NSD2: variants seen among roughly 807,000 people sequenced by gnomAD.
NSD2 encodes nuclear receptor binding SET domain protein 2, also known as histone-lysine N-methyltransferase NSD2.
NSD2 carries 12 observed loss-of-function variants against 139.0 expected under a neutral mutation model. That is an observed-to-expected ratio of 0.09 (90% CI 0.06 to 0.14). The LOEUF (loss-of-function observed/expected upper bound fraction) is 0.14, where lower values mean the gene tolerates loss of function less well. Ranked by LOEUF, NSD2 falls within the 10% of genes least tolerant of loss-of-function variation. NSD2 has a pLI of 1.00. For synonymous variants in NSD2, 669 were observed against 648.7 expected (o/e 1.03, Z -0.48); for missense variants, 1,155 against 1,745.0 (o/e 0.66, Z 6.02).
At chr4:1,888,083 G>C (rs1293127178) in intron 1 of NSD2, among the ~76,000 whole-genome samples, 1 of 152,058 alleles carries the variant, frequency 6.6e-6, no homozygotes, top group Non-Finnish European at 1.5e-5. Flanking sequence ...TACGTGGTCT[G>C]ATAGTTATCT....
intron 12 of NSD2, 140 bp downstream of exon 12, chr4:1,953,664 G>A: frequency 1.8e-6 from 2 of 1,129,824 alleles, no homozygotes; most frequent in Non-Finnish European, 2.5e-6. Flanking sequence ...ACATCGGCTG[G>A]GTTGGGTTTT....
At chr4:1,975,984 C>G (rs1727033762) in intron 20 of NSD2, among the ~76,000 whole-genome samples, 1 of 151,988 alleles carries the variant, frequency 6.6e-6, no homozygotes, top group Non-Finnish European at 1.5e-5. Context: ...TGTGTAGAAC[C>G]TGGTCCTGAA....
intron 9 of NSD2, chr4:1,944,413 C>T (rs1723410129): frequency 3.8e-6 from 4 of 1,065,288 alleles, no homozygotes; most frequent in South Asian, 4.6e-5. Context: ...TACATTCTAG[C>T]CTTAAGACAT....
chr4:1,904,446 T>C lies in NSD2; in HGVS notation c.760+68T>C, dbSNP rs779826781. The C allele has an allele frequency of 4.2e-4, 616 of 1,478,494 alleles. 1 individual carries two copies. The highest frequency in any genetic ancestry group is 7.1e-4 in the Middle Eastern group (4 of 5,618). 91.6% of individuals were successfully genotyped at this position (1,478,494 alleles called of 1,614,324 possible). On this transcript the variant is annotated intron_variant, in intron 3 of 21. Transcript: ENST00000508803. ...ACTTAATCTTTCTCATCTCCAGGCT[T>C]CTTTCTTACTCTTTCTAAATAGCCC...
rs539886262 is a variant in NSD2 at position 1,948,465 on chromosome 4, G to A, written c.1882-2607G>A. 346 of 1,065,446 alleles carry A rather than the reference G, an allele frequency of 3.2e-4. No homozygotes were observed. Among genetic ancestry groups the A allele is most frequent in the Non-Finnish European group, 3.8e-4 (334 of 878,542 alleles). The allele number at this position is 1,065,446 out of a possible 1,614,324, so 66.0% of individuals were successfully genotyped here. On this transcript the variant is annotated intron_variant, in intron 9 of 21. Transcript: ENST00000508803. This position sits in a 1 kb window ranked among gnomAD's most constrained non-coding sequence, Gnocchi z 4.5. ...GTAAGGCTTGCTGTGGGACGCCCTC[G>A]TACTTTGCTCTCCTTGCGGGTGGTT...
At chr4:1,927,296 C>T (rs527827224) in intron 5 of NSD2, among the ~76,000 whole-genome samples, 3 of 152,232 alleles carry the variant, frequency 2.0e-5, no homozygotes, top group South Asian at 2.1e-4. Flanking sequence ...TTATTGACTA[C>T]GCCGTAAGCA....
At chr4:1,952,855 A>G (rs1724423230) in intron 11 of NSD2, 4 of 1,281,770 alleles carry the variant, frequency 3.1e-6, no homozygotes, top group Non-Finnish European at 3.0e-6. Flanking sequence ...CTCCTATCTC[A>G]CGTCAGAACA....
At chr4:1,902,627 C>G (rs13148597) in intron 2 of NSD2, among the ~76,000 whole-genome samples, 11 of 151,996 alleles carry the variant, frequency 7.2e-5, no homozygotes, top group Non-Finnish European at 1.6e-4. Flanking sequence ...TGTTTTGAGA[C>G]AGGGTCTTGG....
Position 1,953,459 on chromosome 4 carries a change from G to A in NSD2, c.2273G>A (p.Arg758His). Residue 758 changes from arginine (R) to histidine (H), a missense_variant, in exon 12 of 22, where the codon CGC (arginine) becomes CAC (histidine). Physicochemically the swap from Arg to His is conservative, Grantham distance 29. This residue lies in a region of NSD2 where 120 missense variants were observed against 239.3 expected (regional missense o/e 0.50). Coordinates refer to ENST00000508803, the MANE Select transcript of NSD2 (RefSeq NM_001042424.3). The part of the protein sequence containing the change: ...PLTVFESRGF[R>H]CPLHSCVSCH... ...ACTGTATTTGAGAGCCGAGGTTTCC[G>A]CTGCCCCCTCCACAGCTGTGTGAGC... The A allele has an allele frequency of 6.2e-7, 1 of 1,614,058 alleles. No individual in the cohort carries two copies. The highest frequency in any genetic ancestry group is 1.1e-5 in the South Asian group (1 of 91,072).
At chr4:1,964,067 C>T (rs773634505) in intron 18 of NSD2, among the ~76,000 whole-genome samples, 4 of 152,146 alleles carry the variant, frequency 2.6e-5, no homozygotes, top group East Asian at 1.9e-4. Flanking sequence ...AGGTGACCCT[C>T]GTGAGCAGAC....
Position 1,900,826 on chromosome 4 carries a change from C to A in NSD2, c.172C>A (p.Gln58Lys). 2 of 1,613,962 alleles carry A rather than the reference C, an allele frequency of 1.2e-6. No homozygotes were observed. The change falls in exon 2 of 22, where the codon CAG (glutamine) becomes AAG (lysine). Residue 58 changes from glutamine to lysine, a missense_variant. Transcript: ENST00000508803. ...LSKAQLSSSLQEGVMQKFNGH... is the reference protein window; with the variant it reads ...LSKAQLSSSLKEGVMQKFNGH... ...CAAAGCCCAGCTCTCCAGTAGCCTG[C>A]AGGAGGGGGTCATGCAGAAGTTTAA...
Position 1,972,391 on chromosome 4 carries a change from T to A in NSD2, c.3373-2472T>A, listed in dbSNP as rs892686291. On this transcript the variant is annotated intron_variant, in intron 18 of 21. Transcript: ENST00000508803. This position sits in a 1 kb window ranked among gnomAD's most constrained non-coding sequence, Gnocchi z 4.0. The stretch of plus-strand genomic sequence containing the variant: ...GATAAAAATAGCAAAAACGTTTAAA[T>A]ATACCTGGACAGGCAATTTCAAAGT... 1.3e-5 allele frequency among the ~76,000 whole-genome samples: 2 copies of A among 152,218 alleles called. No individual in the cohort carries two copies. The highest frequency in any genetic ancestry group is 2.9e-5 in the Non-Finnish European group (2 of 68,034).
At chr4:1,905,509 G>A (rs796836019) in intron 3 of NSD2, among the ~76,000 whole-genome samples, 1 of 152,250 alleles carries the variant, frequency 6.6e-6, no homozygotes, top group Non-Finnish European at 1.5e-5. Flanking sequence ...TGGGGGCAGC[G>A]TTGCTGCCCT....
At position 1,979,570 on chromosome 4, in the gene NSD2, G is replaced by A. The variant is rs767998808; in HGVS notation, c.*661G>A. 2.6e-5 allele frequency: 6 copies of A among 232,664 alleles called. No individual in the cohort carries two copies. The highest frequency in any genetic ancestry group is 5.1e-5 in the Non-Finnish European group (6 of 117,790). The allele number at this position is 232,664 out of a possible 1,614,324, so 14.4% of individuals were successfully genotyped here. A position where few individuals can be genotyped will look rare whatever the true frequency, so the allele number is the denominator to read the frequency against. ...CGTAGTTTTTTCTCCTCATGGATTT[G>A]AATGAAATGCCAATAACACGTCCAC... On this transcript the variant is annotated 3_prime_UTR_variant, in exon 22 of 22. Coordinates refer to ENST00000508803, the MANE Select transcript of NSD2 (RefSeq NM_001042424.3).
rs758217696 is a variant in NSD2 at position 1,935,195 on chromosome 4, C to T, written c.1607C>T (p.Thr536Ile). The stretch of plus-strand genomic sequence containing the variant: ...CACACAAAGAGGATACAGGACCCTA[C>T]AGAAGATGCTGAAGCTGAGGACACA... The part of the protein sequence containing the change: ...RNHTKRIQDP[T>I]EDAEAEDTPR... The change falls in exon 7 of 22, where the codon ACA (threonine) becomes ATA (isoleucine). Residue 536 changes from threonine to isoleucine, a missense_variant. Physicochemically the swap from Thr to Ile is moderately conservative, Grantham distance 89. Coordinates refer to ENST00000508803, the MANE Select transcript of NSD2 (RefSeq NM_001042424.3). 1 of 1,613,602 alleles carries T rather than the reference C, an allele frequency of 6.2e-7. No individual in the cohort carries two copies. The highest frequency in any genetic ancestry group is 1.7e-5 in the Admixed American group (1 of 59,988).
At chr4:1,895,755 A>C (rs1264349073) in intron 1 of NSD2, among the ~76,000 whole-genome samples, 1 of 152,166 alleles carries the variant, frequency 6.6e-6, no homozygotes, top group African/African-American at 2.4e-5. Context: ...AGGTCCTACC[A>C]GTGTCACTCA....
intron 5 of NSD2, among the ~76,000 whole-genome samples, chr4:1,919,610 T>C (rs889216047): frequency 2.6e-5 from 4 of 152,092 alleles, no homozygotes; most frequent in African/African-American, 9.7e-5. Flanking sequence ...TTCAGTAGTC[T>C]AAATCTATGT....
At chr4:1,920,228 T>C (rs1719940773) in intron 5 of NSD2, among the ~76,000 whole-genome samples, 1 of 152,134 alleles carries the variant, frequency 6.6e-6, no homozygotes, top group Non-Finnish European at 1.5e-5. Context: ...GGTGGGCAGA[T>C]CACCTGAGGT....
chr4:1,979,123 G>C lies in NSD2; in HGVS notation c.*214G>C, dbSNP rs12648105. On this transcript the variant is annotated 3_prime_UTR_variant, in exon 22 of 22. Transcript: ENST00000508803. Reference sequence around the variant, plus strand: ...CTGATGACCGTCTGAGCCCAGCTCAGCGTTCCTGGACAAACAGCCTCACTC... The same window carrying C: ...CTGATGACCGTCTGAGCCCAGCTCACCGTTCCTGGACAAACAGCCTCACTC... 1.0e-5 allele frequency: 5 copies of C among 497,030 alleles called. No homozygotes were observed. The highest frequency in any genetic ancestry group is 6.8e-5 in the East Asian group (2 of 29,240). 30.8% of individuals were successfully genotyped at this position (497,030 alleles called of 1,614,324 possible).
Sources: gnomAD v4.1 joint callset for allele counts (sites outside exome capture counted in the v4.1 genomes callset) on GRCh38, gnomAD v4.1.1 for gene constraint, gnomAD v4.1.1 regional missense constraint, Gnocchi (gnomAD v3.1) non-coding constraint, MANE v1.5 for transcripts, NCBI Gene and HGNC (gene_info 2026-07-23, HGNC 2026-07-21) for gene names.